TUSC3: variants seen among roughly 807,000 people sequenced by gnomAD.
TUSC3 encodes the protein tumor suppressor candidate 3, also known as dolichyl-diphosphooligosaccharide--protein glycosyltransferase subunit TUSC3.
Under a neutral mutation model 44.8 loss-of-function variants are expected in TUSC3, and 45 were observed. That is an observed-to-expected ratio of 1.00 (90% CI 0.79 to 1.29). The LOEUF (loss-of-function observed/expected upper bound fraction) is 1.29. Among genes scored for constraint, TUSC3 ranks in the 50% most tolerant of loss-of-function variants. The pLI is 0.00. For synonymous variants in TUSC3, 212 were observed against 152.9 expected (o/e 1.39, Z -2.85); for missense variants, 519 against 437.9 (o/e 1.19, Z -1.65).
At chr8:15,682,825 G>A (rs879487081) in intron 6 of TUSC3, among the ~76,000 whole-genome samples, 58 of 111,952 alleles carry the variant, frequency 5.2e-4, no homozygotes, top group African/African-American at 1.6e-3. Context: ...TTTTTTTTTT[G>A]TAGCTGTTGT....
At chr8:15,570,954 G>GTGTTTTTTTTTTTTTTTTTTTT (rs1802850304) in intron 1 of TUSC3, among the ~76,000 whole-genome samples, 1 of 44,494 alleles carries the variant, frequency 2.2e-5, no homozygotes, top group Non-Finnish European at 5.2e-5. Flanking sequence ...TTGCCTATTA[G>GTGTTTTTTTTTTTTTTTTTTTT]TTTTTTTTTT....
At chr8:15,597,052 G>C (rs969375320) in intron 1 of TUSC3, among the ~76,000 whole-genome samples, 1 of 152,094 alleles carries the variant, frequency 6.6e-6, no homozygotes, top group African/African-American at 2.4e-5. Flanking sequence ...AGTCAGACTT[G>C]TTGTCTGAGA....
chr8:15,569,038 CATT>C (rs1305017349), intron 1 of TUSC3, among the ~76,000 whole-genome samples: 2 of 152,012 alleles, frequency 1.3e-5, no homozygotes, highest in African/African-American at 4.8e-5. Context: ...TTTGCTAAGT[CATT>C]ATTGTGCGGC....
rs144356092 is a variant in TUSC3 at position 15,667,756 on chromosome 8, A to AT, written c.708+5461dup. Among the ~76,000 whole-genome samples the AT allele has an allele frequency of 6.6e-3, 1,007 of 151,838 alleles. 10 individuals carry two copies. Among genetic ancestry groups the AT allele is most frequent in the African/African-American group, 0.023 (954 of 41,508 alleles). On this transcript the variant is annotated intron_variant, in intron 5 of 10. Coordinates refer to ENST00000503731, the MANE Select transcript of TUSC3 (RefSeq NM_006765.4). ...GAACCCAAAGTGTTGAAAGCATGTA[A>AT]TAGTTATTTTTCTTTTTTTAAATAC... is the stretch of plus-strand genomic sequence containing the variant.
intron 6 of TUSC3, among the ~76,000 whole-genome samples, chr8:15,719,153 C>T (rs561506545): frequency 6.6e-6 from 1 of 152,206 alleles, no homozygotes; most frequent in South Asian, 2.1e-4. Context: ...ACTCTTCTTA[C>T]AGTCTTGCTT....
At chr8:15,828,704 C>T in the TUSC3 span, among the ~76,000 whole-genome samples, 2 of 152,116 alleles carry the variant, frequency 1.3e-5, no homozygotes, top group Non-Finnish European at 2.9e-5. Context: ...ATCTAATATT[C>T]GACTTCTCTG....
chr8:15,691,833 T>C (rs986521733), intron 6 of TUSC3, among the ~76,000 whole-genome samples: 2 of 152,068 alleles, frequency 1.3e-5, no homozygotes, highest in African/African-American at 2.4e-5. Context: ...GGCTGGAGTT[T>C]AGTGGTGTAA....
intron 6 of TUSC3, among the ~76,000 whole-genome samples, chr8:15,724,609 A>G (rs1214241042): frequency 1.3e-5 from 2 of 152,156 alleles, no homozygotes; most frequent in Non-Finnish European, 2.9e-5. Flanking sequence ...TGTATTCATA[A>G]AGAGTACTGA....
intron 6 of TUSC3, chr8:15,689,486 G>A (rs1426833319): frequency 2.9e-5 from 5 of 172,338 alleles, no homozygotes; most frequent in South Asian, 2.2e-4. Context: ...CTTCACTGGC[G>A]CCAGCCACTC....
At chr8:15,441,973 C>T (rs1585790762) in intron 1 of TUSC3, among the ~76,000 whole-genome samples, 1 of 152,140 alleles carries the variant, frequency 6.6e-6, no homozygotes, top group Non-Finnish European at 1.5e-5. Flanking sequence ...CCCAAAATAG[C>T]TATTTGTTTC....
At chr8:15,480,186 A>G (rs548734217) in intron 1 of TUSC3, among the ~76,000 whole-genome samples, 11 of 152,362 alleles carry the variant, frequency 7.2e-5, no homozygotes, top group African/African-American at 2.6e-4. Context: ...AGAAGAGGAC[A>G]CAAAGAAATA....
the TUSC3 span, among the ~76,000 whole-genome samples, chr8:15,781,891 AG>A: frequency 6.6e-6 from 1 of 152,188 alleles, no homozygotes; most frequent in Non-Finnish European, 1.5e-5. Context: ...CAAGCACTTC[AG>A]GAGGCCAGGG....
rs151223991 is a variant in TUSC3, at chr8:15,523,639, CAT to C, written n.189+40181_189+40182del. Among the ~76,000 whole-genome samples the C allele has an allele frequency of 1.9e-3, 118 of 63,682 alleles. 1 individual carries two copies. The highest frequency in any genetic ancestry group is 8.1e-3 in the East Asian group (18 of 2,210). 41.8% of individuals were successfully genotyped at this position (63,682 alleles called of 152,430 possible). On this transcript the variant is annotated intron_variant and non_coding_transcript_variant, in intron 2 of 5. Transcript: ENST00000503191. ...AATTGGCTTAAAAATCCTTTAAAAA[CAT>C]ATATATATATATATATATATATATG... is the stretch of plus-strand genomic sequence containing the variant.
the TUSC3 span, among the ~76,000 whole-genome samples, chr8:15,780,451 GAAAA>G: frequency 2.6e-5 from 4 of 151,868 alleles, no homozygotes; most frequent in Admixed American, 2.6e-4. Flanking sequence ...CTAGACCACA[GAAAA>G]AAAAGTGCAG....
At chr8:15,616,266 T>C (rs886959404) in intron 1 of TUSC3, among the ~76,000 whole-genome samples, 2 of 152,342 alleles carry the variant, frequency 1.3e-5, no homozygotes, top group Middle Eastern at 3.4e-3. Context: ...CCTAGAAATT[T>C]GCATATTATA....
chr8:15,487,918 T>TA (rs1554506263), intron 2 of TUSC3, among the ~76,000 whole-genome samples: 4 of 145,000 alleles, frequency 2.8e-5, no homozygotes, highest in Non-Finnish European at 4.5e-5. Context: ...TTTTTTTTTT[T>TA]ACTGAAAAGA....
At chr8:15,505,546 G>A (rs1233862420) in intron 2 of TUSC3, among the ~76,000 whole-genome samples, 2 of 152,042 alleles carry the variant, frequency 1.3e-5, no homozygotes, top group African/African-American at 2.4e-5. Context: ...TGAATCTTCC[G>A]ATTCCATAGT....
At chr8:15,674,351 T>A (rs1415601302) in intron 6 of TUSC3, among the ~76,000 whole-genome samples, 2 of 152,074 alleles carry the variant, frequency 1.3e-5, no homozygotes, top group African/African-American at 4.8e-5. Flanking sequence ...CGAATTCACA[T>A]AACTGAGTTT....
chr8:15,845,141 C>T, the TUSC3 span, among the ~76,000 whole-genome samples: 1 of 152,076 alleles, frequency 6.6e-6, no homozygotes, highest in Admixed American at 6.6e-5. Context: ...GAAGAAACCT[C>T]ATCATTAACT....
Sources: allele counts gnomAD v4.1 joint callset (sites outside exome capture counted in the v4.1 genomes callset), GRCh38; gene constraint gnomAD v4.1.1; transcripts MANE v1.5; gene names NCBI Gene and HGNC (gene_info 2026-07-23, HGNC 2026-07-21).